The following TFDP1 variants were observed in gnomAD, a reference collection of about 807,000 sequenced individuals.
TFDP1 encodes the protein DRTF1-polypeptide 1.
TFDP1 carries 6 observed loss-of-function variants against 48.0 expected under a neutral mutation model. The observed-to-expected ratio is 0.13, with a 90% CI of 0.07 to 0.25. The LOEUF (loss-of-function observed/expected upper bound fraction) is 0.25. TFDP1 is among the 10% of genes least tolerant of loss of function. The probability of loss-of-function intolerance (pLI) is 1.00; values close to 1 mark genes in which losing one functional copy is unlikely to be tolerated. For synonymous variants in TFDP1, 201 were observed against 211.6 expected, an observed-to-expected ratio of 0.95 and a Z score of 0.44; for missense variants, 335 against 543.0, an observed-to-expected ratio of 0.62 and a Z score of 3.81.
Position 113,640,042 on chromosome 13 carries a change from T to C in TFDP1, c.1086-78T>C, listed in dbSNP as rs1240689342. The C allele has an allele frequency of 1.0e-5, 11 of 1,102,350 alleles. No individual in the cohort carries two copies. In the Admixed American group the frequency reaches 2.2e-4, roughly 22 times the overall value. 68.3% of individuals were successfully genotyped at this position (1,102,350 alleles called of 1,614,324 possible). A position where few individuals can be genotyped will look rare whatever the true frequency, so the allele number is the denominator to read the frequency against. Reference sequence around the variant, plus strand: ...ACACCTGTGGGGCACAGCCTGTCATTTGACCACAAGCCCTGAGGCGGGGGG... The same window carrying C: ...ACACCTGTGGGGCACAGCCTGTCATCTGACCACAAGCCCTGAGGCGGGGGG... On this transcript the variant is annotated intron_variant, in intron 11 of 11. Coordinates refer to ENST00000375370, the MANE Select transcript of TFDP1 (RefSeq NM_007111.5).
chr13:113,634,864 CGTGT>C (rs1024799921), intron 8 of TFDP1, among the ~76,000 whole-genome samples: 4 of 148,288 alleles, frequency 2.7e-5, no homozygotes, highest in African/African-American at 5.0e-5. Flanking sequence ...TGCGTGCGTG[CGTGT>C]GCCTGTGTGC....
intron 3 of TFDP1, among the ~76,000 whole-genome samples, chr13:113,620,778 C>T (rs867924915): frequency 5.9e-5 from 9 of 152,282 alleles, no homozygotes; most frequent in Middle Eastern, 6.8e-3. Context: ...TCTTAGGATG[C>T]ACACCTTTAT....
rs999367136 is a variant in TFDP1, at chr13:113,635,847, T to A, written c.688-130T>A. 4.0e-5 allele frequency: 44 copies of A among 1,087,862 alleles called. No individual in the cohort carries two copies. The South Asian group carries it at 6.6e-4, about 16-fold the overall frequency. 67.4% of individuals were successfully genotyped at this position (1,087,862 alleles called of 1,614,324 possible). A position where few individuals can be genotyped will look rare whatever the true frequency, so the allele number is the denominator to read the frequency against. ...GAGGTCAGCACCCAGCGGCCGGCGC[T>A]GGCATTTCAGATGTCCAGGCCAACT... is the stretch of plus-strand genomic sequence containing the variant. On this transcript the variant is annotated intron_variant, in intron 8 of 11. Coordinates refer to ENST00000375370, the MANE Select transcript of TFDP1 (RefSeq NM_007111.5).
Position 113,585,778 on chromosome 13 carries a change from A to C in TFDP1, c.-60A>C. 6.9e-7 allele frequency: 1 copy of C among 1,453,418 alleles called. No individual in the cohort carries two copies. The highest frequency in any genetic ancestry group is 9.3e-7 in the Non-Finnish European group (1 of 1,075,004). 90.0% of individuals were successfully genotyped at this position (1,453,418 alleles called of 1,614,324 possible). ...TTTTTTTTTTTTTTTTACCAGAAAA[A>C]TCATTTTTCTTCTCTGGGAAGGTGA... On this transcript the variant is annotated 5_prime_UTR_variant, in exon 2 of 12. Transcript: ENST00000375370.
chr13:113,624,586 A>G lies in TFDP1; in HGVS notation c.186+1300A>G, dbSNP rs367893319. 7.4e-4 allele frequency among the ~76,000 whole-genome samples: 95 copies of G among 128,570 alleles called. 2 individuals are homozygous for G. Among genetic ancestry groups the G allele is most frequent in the Middle Eastern group, 7.7e-3 (1 of 130 alleles). 84.3% of individuals were successfully genotyped at this position (128,570 alleles called of 152,430 possible). A position where few individuals can be genotyped will look rare whatever the true frequency, so the allele number is the denominator to read the frequency against. On this transcript the variant is annotated intron_variant, in intron 4 of 11. Coordinates refer to ENST00000375370, the MANE Select transcript of TFDP1 (RefSeq NM_007111.5). Reference sequence around the variant, plus strand: ...AGGTGTCTCTCAGGGTATCTCTCACATGTCCTCAGGTGTGTCTCAGGGTAT... The same window carrying G: ...AGGTGTCTCTCAGGGTATCTCTCACGTGTCCTCAGGTGTGTCTCAGGGTAT...
intron 8 of TFDP1, 26 bp downstream of exon 8, chr13:113,634,628 C>T: frequency 6.4e-7 from 1 of 1,566,284 alleles, no homozygotes; most frequent in African/African-American, 1.4e-5. Flanking sequence ...TCTGTGGAGG[C>T]AGGGTAATTT....
chr13:113,600,808 T>C (rs376779564), intron 2 of TFDP1, among the ~76,000 whole-genome samples: 2 of 141,402 alleles, frequency 1.4e-5, no homozygotes, highest in African/African-American at 5.9e-5. Context: ...CACGTAGGGC[T>C]ACAGGACCGT....
At chr13:113,613,947 T>C (rs1479558218) in intron 3 of TFDP1, among the ~76,000 whole-genome samples, 1 of 150,496 alleles carries the variant, frequency 6.6e-6, no homozygotes, top group Non-Finnish European at 1.5e-5. Flanking sequence ...TGTGTGTGCA[T>C]GTGAATTGTG....
chr13:113,625,315 C>G (rs371187659), intron 4 of TFDP1, among the ~76,000 whole-genome samples: 41 of 51,716 alleles, frequency 7.9e-4, no homozygotes, highest in Admixed American at 1.8e-3. Flanking sequence ...CGTGTCCTCA[C>G]GTGTTTCTCA....
chr13:113,623,373 T>A lies in TFDP1; in HGVS notation c.186+87T>A. The A allele has an allele frequency of 7.7e-7, 1 of 1,293,732 alleles. No homozygotes were observed. The highest frequency in any genetic ancestry group is 1.1e-6 in the Non-Finnish European group (1 of 931,132). 80.1% of individuals were successfully genotyped at this position (1,293,732 alleles called of 1,614,324 possible). ...GTGTGGTTGGGGATGTTCCCAGGTG[T>A]GCCTGGATTTGGGCTCCAGTTGCAG... On this transcript the variant is annotated intron_variant, in intron 4 of 11. Coordinates refer to ENST00000375370, the MANE Select transcript of TFDP1 (RefSeq NM_007111.5). The surrounding 1 kb of genome is among the most constrained non-coding windows in gnomAD (Gnocchi z 5.2).
intron 8 of TFDP1, among the ~76,000 whole-genome samples, chr13:113,634,829 G>GCATGCA (rs2049435316): frequency 6.7e-6 from 1 of 149,876 alleles, no homozygotes; most frequent in African/African-American, 2.5e-5. Flanking sequence ...ATGCATGCAT[G>GCATGCA]TGTGTGTGTG....
chr13:113,623,389 C>G lies in TFDP1; in HGVS notation c.186+103C>G. 1 of 1,101,998 alleles carries G rather than the reference C, an allele frequency of 9.1e-7. No homozygotes were observed. The highest frequency in any genetic ancestry group is 1.3e-6 in the Non-Finnish European group (1 of 763,690). 68.3% of individuals were successfully genotyped at this position (1,101,998 alleles called of 1,614,324 possible). ...TCCCAGGTGTGCCTGGATTTGGGCT[C>G]CAGTTGCAGCATGGGGCCTTTCCCT... On this transcript the variant is annotated intron_variant, in intron 4 of 11. Coordinates refer to ENST00000375370, the MANE Select transcript of TFDP1 (RefSeq NM_007111.5). The surrounding 1 kb of genome is among the most constrained non-coding windows in gnomAD (Gnocchi z 5.2).
intron 4 of TFDP1, among the ~76,000 whole-genome samples, chr13:113,631,329 G>T (rs530808086): frequency 2.8e-4 from 43 of 152,324 alleles, no homozygotes; most frequent in African/African-American, 1.0e-3. Flanking sequence ...GTCACGCTCT[G>T]CCCTGTCCTG....
Position 113,586,416 on chromosome 13 carries a change from GTT to G in TFDP1, c.12+568_12+569del, listed in dbSNP as rs1442844681. Among the ~76,000 whole-genome samples the G allele has an allele frequency of 6.0e-4, 92 of 152,338 alleles. 1 individual carries two copies. The highest frequency in any genetic ancestry group is 6.8e-3 in the Middle Eastern group (2 of 294). On this transcript the variant is annotated intron_variant, in intron 2 of 11. Coordinates refer to ENST00000375370, the MANE Select transcript of TFDP1 (RefSeq NM_007111.5). ...AAAATGCTACTTAGCCTGCTTTGCAGTTGTCATGAAACTATAGAATATTTTGA... is the reference window on the plus strand; with the variant it reads ...AAAATGCTACTTAGCCTGCTTTGCAGGTCATGAAACTATAGAATATTTTGA...
chr13:113,622,879 C>T (rs1335652351), intron 3 of TFDP1, among the ~76,000 whole-genome samples: 1 of 152,272 alleles, frequency 6.6e-6, no homozygotes, highest in African/African-American at 2.4e-5. Context: ...ACAGACTTTT[C>T]CAGGCCGTGG....
intron 7 of TFDP1, chr13:113,634,271 A>G (rs2049414698): frequency 1.5e-6 from 1 of 652,606 alleles, no homozygotes; most frequent in Non-Finnish European, 2.7e-6. Flanking sequence ...TCTGAATCCT[A>G]GTTTGTGGGA....
At chr13:113,636,253 T>C (rs577020106) in intron 9 of TFDP1, 125 bp downstream of exon 9, 4 of 1,347,972 alleles carry the variant, frequency 3.0e-6, no homozygotes, top group African/African-American at 2.9e-5. Flanking sequence ...CACAAATTGC[T>C]GTCCATTGGG....
At chr13:113,639,968 A>T in intron 11 of TFDP1, 152 bp from the exon 12 acceptor site, 1 of 608,446 alleles carries the variant, frequency 1.6e-6, no homozygotes, top group Non-Finnish European at 2.9e-6. Flanking sequence ...GGCGTGCTGT[A>T]GTGCAGACAC....
At chr13:113,614,271 TTG>T (rs965394967) in intron 3 of TFDP1, among the ~76,000 whole-genome samples, 6 of 151,792 alleles carry the variant, frequency 4.0e-5, no homozygotes, top group South Asian at 2.1e-4. Flanking sequence ...TGTGTGTGAG[TTG>T]TGTGTGTGTA....
Sources: gnomAD v4.1 joint callset for allele counts (sites outside exome capture counted in the v4.1 genomes callset) on GRCh38, gnomAD v4.1.1 for gene constraint, Gnocchi (gnomAD v3.1) non-coding constraint, MANE v1.5 for transcripts, NCBI Gene and HGNC (gene_info 2026-07-23, HGNC 2026-07-21) for gene names.